The following RAD18 variants were observed in gnomAD, a reference collection of about 807,000 sequenced individuals.
The protein encoded by RAD18 is E3 ubiquitin-protein ligase RAD18.
RAD18 carries 47 observed loss-of-function variants against 60.4 expected under a neutral mutation model. The observed-to-expected ratio is 0.78, with a 90% CI of 0.62 to 0.99. The LOEUF (loss-of-function observed/expected upper bound fraction) is 0.99. Among genes scored for constraint, RAD18 ranks in the 50% least tolerant of loss-of-function variants. The probability of loss-of-function intolerance (pLI) is 0.00; values close to 1 mark genes in which losing one functional copy is unlikely to be tolerated. For missense variants in RAD18, 640 were observed against 593.3 expected (o/e 1.08, Z -0.82); for synonymous variants, 225 against 195.5 (o/e 1.15, Z -1.26).
intron 2 of RAD18, among the ~76,000 whole-genome samples, chr3:8,951,728 A>G (rs1196969803): frequency 6.6e-6 from 1 of 152,250 alleles, no homozygotes; most frequent in Non-Finnish European, 1.5e-5. Context: ...GAATGACAGC[A>G]ATGGTACAAA....
intron 11 of RAD18, among the ~76,000 whole-genome samples, chr3:8,892,410 C>G (rs1316919452): frequency 1.3e-5 from 2 of 152,194 alleles, no homozygotes; most frequent in South Asian, 4.1e-4. Flanking sequence ...GAAAGACTCA[C>G]TGGCAAAGAT....
chr3:8,887,893 T>G (rs1226022615), intron 12 of RAD18, among the ~76,000 whole-genome samples: 1 of 151,704 alleles, frequency 6.6e-6, no homozygotes, highest in Non-Finnish European at 1.5e-5. Context: ...CAGCCAGGAG[T>G]ATGCCTGTGA....
chr3:8,891,075 A>AATATATATATATATATATATATATAT (rs71049753), intron 11 of RAD18, among the ~76,000 whole-genome samples: 1 of 25,970 alleles, frequency 3.9e-5, no homozygotes, highest in African/African-American at 7.4e-5. Flanking sequence ...ATATATATAA[A>AATATATATATATATATATATATATAT]ATATATATAT....
intron 4 of RAD18, 143 bp from the exon 5 acceptor site, chr3:8,941,947 C>G (rs146480668): frequency 1.4e-6 from 1 of 722,226 alleles, no homozygotes; most frequent in Admixed American, 2.9e-5. Flanking sequence ...AAAGTTTCTT[C>G]TAGTATAACT....
At chr3:8,939,451 G>A in intron 6 of RAD18, 103 bp downstream of exon 6, 2 of 928,006 alleles carry the variant, frequency 2.2e-6, no homozygotes, top group South Asian at 3.5e-5. Flanking sequence ...GTAAGAGCAG[G>A]AAATACGGTC....
At position 8,912,182 on chromosome 3, in the gene RAD18, T is replaced by C. The variant is rs9312029; in HGVS notation, c.1027+130A>G. 26,374 of 722,282 alleles carry C rather than the reference T, an allele frequency of 0.037. 4,709 individuals carry two copies. In the African/African-American group the frequency reaches 0.41, roughly 11 times the overall value. The allele number at this position is 722,282 out of a possible 1,614,324, so 44.7% of individuals were successfully genotyped here. On this transcript the variant is annotated intron_variant, in intron 9 of 12. Transcript: ENST00000264926. ...CACTAAGTAAACACCCAATTAAAAT[T>C]CAATCTCTTAAGTAATGTTAACAAA...
At chr3:8,938,672 C>T (rs955354117) in intron 6 of RAD18, among the ~76,000 whole-genome samples, 2 of 152,142 alleles carry the variant, frequency 1.3e-5, no homozygotes, top group Non-Finnish European at 2.9e-5. Context: ...TCCATTTATC[C>T]TCTGCTCTCT....
chr3:8,938,951 T>A (rs906152191), intron 6 of RAD18, among the ~76,000 whole-genome samples: 4 of 152,132 alleles, frequency 2.6e-5, no homozygotes, highest in Non-Finnish European at 4.4e-5. Context: ...GTTATTTTCA[T>A]GTACAAGGGA....
intron 9 of RAD18, among the ~76,000 whole-genome samples, chr3:8,903,701 A>G (rs1292155526): frequency 6.6e-6 from 1 of 152,226 alleles, no homozygotes; most frequent in Non-Finnish European, 1.5e-5. Context: ...CTGAGGTCAC[A>G]GTTTACTTAT....
intron 10 of RAD18, among the ~76,000 whole-genome samples, chr3:8,900,165 G>A (rs1939879643): frequency 6.6e-6 from 1 of 152,082 alleles, no homozygotes; most frequent in African/African-American, 2.4e-5. Context: ...AATGTCATCT[G>A]GCTGTCAATA....
chr3:8,886,122 T>C (rs544981345), intron 12 of RAD18, among the ~76,000 whole-genome samples: 33 of 152,372 alleles, frequency 2.2e-4, no homozygotes, highest in Non-Finnish European at 4.6e-4. Context: ...AAAAACCTTG[T>C]GGCAATTAGA....
At chr3:8,902,301 T>C (rs926063879) in intron 10 of RAD18, 79 bp downstream of exon 10, 31 of 1,308,348 alleles carry the variant, frequency 2.4e-5, no homozygotes, top group Non-Finnish European at 3.1e-5. Flanking sequence ...CCAAAGTAAA[T>C]TTCTTTGGTT....
At chr3:8,907,806 C>T (rs1454752281) in intron 9 of RAD18, among the ~76,000 whole-genome samples, 1 of 152,106 alleles carries the variant, frequency 6.6e-6, no homozygotes, top group Non-Finnish European at 1.5e-5. Context: ...TGTGCAACCT[C>T]AATTTTCTAA....
intron 7 of RAD18, among the ~76,000 whole-genome samples, chr3:8,935,205 G>A (rs557698015): frequency 4.5e-4 from 68 of 152,286 alleles, no homozygotes; most frequent in African/African-American, 1.6e-3. Context: ...ATGTTTGCAT[G>A]TTATTCTCCA....
Position 8,963,395 on chromosome 3 carries a change from C to T in RAD18, c.-10G>A. On this transcript the variant is annotated 5_prime_UTR_variant, in exon 1 of 13. Transcript: ENST00000264926. ...CGGCCAGGGAGTCCATGGTCGCTCC[C>T]GAGGATGCTGGGGGTCAGCCACCCA... is the stretch of plus-strand genomic sequence containing the variant. 6.3e-7 allele frequency: 1 copy of T among 1,586,746 alleles called. No homozygotes were observed. The highest frequency in any genetic ancestry group is 8.6e-7 in the Non-Finnish European group (1 of 1,165,576).
chr3:8,947,306 A>G lies in RAD18; in HGVS notation c.196-16T>C, dbSNP rs1216356783. 1 of 1,571,862 alleles carries G rather than the reference A, an allele frequency of 6.4e-7. No homozygotes were observed. The highest frequency in any genetic ancestry group is 1.4e-5 in the African/African-American group (1 of 73,804). ...CTGTGACAGTCTAGAAAAAACAAAC[A>G]ACAGATGGAAAAAGGTCAAAAACAA... is the stretch of plus-strand genomic sequence containing the variant. On this transcript the variant is annotated splice_polypyrimidine_tract_variant and intron_variant, in intron 3 of 12. Coordinates refer to ENST00000264926, the MANE Select transcript of RAD18 (RefSeq NM_020165.4).
chr3:8,963,287 C>T (rs775198887), intron 1 of RAD18, 48 bp downstream of exon 1: 24 of 1,553,500 alleles, frequency 1.5e-5, no homozygotes, highest in Non-Finnish European at 2.0e-5. Context: ...AGGGAGGGAC[C>T]TCCCCCCGCA....
chr3:8,890,325 G>T, intron 12 of RAD18, 64 bp downstream of exon 12: 3 of 1,263,140 alleles, frequency 2.4e-6, no homozygotes, highest in South Asian at 1.2e-5. Flanking sequence ...TTGAAAATCA[G>T]CTGCATAGAA....
At chr3:8,909,224 A>G (rs1940064627) in intron 9 of RAD18, among the ~76,000 whole-genome samples, 1 of 152,210 alleles carries the variant, frequency 6.6e-6, no homozygotes, top group African/African-American at 2.4e-5. Flanking sequence ...AAGGCTAGAG[A>G]GGTAGGCAGG....
Sources: gnomAD v4.1 joint callset for allele counts (sites outside exome capture counted in the v4.1 genomes callset) on GRCh38, gnomAD v4.1.1 for gene constraint, MANE v1.5 for transcripts, NCBI Gene and HGNC (gene_info 2026-07-23, HGNC 2026-07-21) for gene names.